DOCK4: variants seen among roughly 807,000 people sequenced by gnomAD.
DOCK4 encodes dedicator of cytokinesis protein 4.
DOCK4 carries 97 observed loss-of-function variants against 268.1 expected under a neutral mutation model. The observed-to-expected ratio is 0.36, with a 90% CI of 0.31 to 0.43. DOCK4 has a LOEUF of 0.43. DOCK4 is among the 20% of genes least tolerant of loss of function. The pLI is 1.00. For synonymous variants in DOCK4, 954 were observed against 887.2 expected (o/e 1.08, Z -1.34); for missense variants, 2,145 against 2,455.7 (o/e 0.87, Z 2.67).
intron 4 of DOCK4, among the ~76,000 whole-genome samples, chr7:111,998,200 T>A (rs1448402470): frequency 6.6e-6 from 1 of 152,186 alleles, no homozygotes; most frequent in Non-Finnish European, 1.5e-5. Flanking sequence ...AAGCATAGGC[T>A]GATTCCCTGA....
chr7:111,732,244 G>C lies in DOCK4; in HGVS notation c.5463C>G (p.Ala1821=), dbSNP rs189141127. ...CCTTTACCTTCAATGGAGATCGCCC[G>C]GCAGGCGAGGGGGATACTGATGTCG... is the stretch of plus-strand genomic sequence containing the variant. ...RHTTSVSPSP[A]GRSPLKGSVQ... is the part of the protein sequence containing the mutation. Residue 1821 remains alanine (A), a synonymous_variant, in exon 52 of 53, where the codon GCC becomes GCG. Coordinates refer to ENST00000428084, the MANE Select transcript of DOCK4 (RefSeq NM_001363540.2). 14 of 1,613,896 alleles carry C rather than the reference G, an allele frequency of 8.7e-6. No homozygotes were observed. In the East Asian group the frequency reaches 3.1e-4, roughly 36 times the overall value.
At chr7:111,792,992 C>T (rs1799657626) in intron 30 of DOCK4, among the ~76,000 whole-genome samples, 1 of 152,204 alleles carries the variant, frequency 6.6e-6, no homozygotes, top group African/African-American at 2.4e-5. Flanking sequence ...ACAATGACTT[C>T]TGGACAATCA....
At chr7:111,740,243 GCA>G in intron 47 of DOCK4, 4 of 289,786 alleles carry the variant, frequency 1.4e-5, no homozygotes, top group Non-Finnish European at 2.8e-5. Flanking sequence ...GGGATTACAG[GCA>G]TGCGCCACCA....
intron 1 of DOCK4, among the ~76,000 whole-genome samples, chr7:112,169,737 A>T (rs777595544): frequency 3.9e-5 from 6 of 152,190 alleles, no homozygotes; most frequent in African/African-American, 7.2e-5. Flanking sequence ...TGAGAGAAGC[A>T]GAAATTTTTC....
intron 26 of DOCK4, among the ~76,000 whole-genome samples, chr7:111,822,786 A>G (rs761247714): frequency 3.9e-5 from 6 of 152,236 alleles, no homozygotes; most frequent in Non-Finnish European, 7.3e-5. Context: ...CCTTTCTTCT[A>G]TTATAGCATC....
At chr7:112,149,443 CTG>C (rs1815837341) in intron 1 of DOCK4, among the ~76,000 whole-genome samples, 1 of 151,836 alleles carries the variant, frequency 6.6e-6, no homozygotes, top group Admixed American at 6.6e-5. Flanking sequence ...GATAACCCCT[CTG>C]TGTATGAGAA....
chr7:111,768,141 T>C (rs545489721), intron 37 of DOCK4, among the ~76,000 whole-genome samples: 1 of 152,312 alleles, frequency 6.6e-6, no homozygotes, highest in South Asian at 2.1e-4. Context: ...CTTTCAACCA[T>C]TTAAAAACGT....
intron 1 of DOCK4, among the ~76,000 whole-genome samples, chr7:112,126,179 T>G (rs1813202300): frequency 6.6e-6 from 1 of 152,236 alleles, no homozygotes; most frequent in Non-Finnish European, 1.5e-5. Flanking sequence ...TAGCTATTTC[T>G]AATCAACATA....
intron 52 of DOCK4, 28 bp from the exon 53 acceptor site, chr7:111,728,748 G>A (rs772476870): frequency 3.2e-6 from 5 of 1,576,192 alleles, no homozygotes; most frequent in Non-Finnish European, 4.3e-6. Context: ...AAACGAGAGG[G>A]AGACACAGCA....
chr7:112,098,564 A>T (rs1204994213), intron 1 of DOCK4, among the ~76,000 whole-genome samples: 1 of 149,744 alleles, frequency 6.7e-6, no homozygotes, highest in Admixed American at 6.7e-5. Flanking sequence ...ATATAGATAG[A>T]TAATTTTATA....
intron 1 of DOCK4, among the ~76,000 whole-genome samples, chr7:112,021,091 G>A (rs1464275214): frequency 6.6e-6 from 1 of 152,100 alleles, no homozygotes; most frequent in African/African-American, 2.4e-5. Context: ...GGTACACAGA[G>A]GACAAAAGCT....
Position 112,159,645 on chromosome 7 carries a change from A to C in DOCK4, c.37+46457T>G, listed in dbSNP as rs1033523414. Among the ~76,000 whole-genome samples, 38 of 152,006 alleles carry C rather than the reference A, an allele frequency of 2.5e-4. 3 individuals are homozygous for C. On this transcript the variant is annotated intron_variant, in intron 1 of 52. Transcript: ENST00000428084. ...AAGTCTTATCCATCTGTTGGGATCT[A>C]GCACTTATATGACCCTCCTACCCCA...
intron 8 of DOCK4, among the ~76,000 whole-genome samples, chr7:111,973,595 G>A (rs1797903037): frequency 1.3e-5 from 2 of 151,802 alleles, no homozygotes; most frequent in Admixed American, 1.3e-4. Flanking sequence ...GTCAATGGGG[G>A]AATCTGAATC....
chr7:111,989,457 T>C (rs1037707412), intron 5 of DOCK4, among the ~76,000 whole-genome samples: 1 of 152,206 alleles, frequency 6.6e-6, no homozygotes, highest in Non-Finnish European at 1.5e-5. Flanking sequence ...AATGCTACTA[T>C]CCAAGAAGAC....
At chr7:112,122,047 C>G (rs759046944) in intron 1 of DOCK4, among the ~76,000 whole-genome samples, 39 of 152,234 alleles carry the variant, frequency 2.6e-4, no homozygotes, top group Non-Finnish European at 4.7e-4. Context: ...TAAGTTTTCC[C>G]TTGGATTCTG....
intron 1 of DOCK4, among the ~76,000 whole-genome samples, chr7:112,146,102 C>T (rs1482118706): frequency 6.6e-6 from 1 of 152,176 alleles, no homozygotes; most frequent in African/African-American, 2.4e-5. Flanking sequence ...ATTCATCAAA[C>T]ACTTAGCACA....
rs1215737597 is a variant in DOCK4 at position 111,940,137 on chromosome 7, T to C, written c.950A>G (p.Lys317Arg). ...GTATACTTTCAGAATGAGGTCATCC[T>C]TTGTCTCTCCTGTTAGCAGGTCAGC... The part of the protein sequence containing the change: ...SIADLLTGET[K>R]DDLILKVYMC... Residue 317 changes from lysine to arginine, a missense_variant, in exon 11 of 53, where the codon AAG becomes AGG. By Grantham distance (26) the Lys-to-Arg change is conservative. Transcript: ENST00000428084. The C allele has an allele frequency of 6.2e-7, 1 of 1,614,028 alleles. No homozygotes were observed. Among genetic ancestry groups the C allele is most frequent in the East Asian group, 2.2e-5 (1 of 44,882 alleles).
Position 111,834,615 on chromosome 7 carries a change from A to C in DOCK4, c.2808T>G (p.Asp936Glu). The C allele has an allele frequency of 6.4e-7, 1 of 1,556,008 alleles. No individual in the cohort carries two copies. Among genetic ancestry groups the C allele is most frequent in the Middle Eastern group, 1.7e-4 (1 of 5,960 alleles). The change falls in exon 26 of 53, where the codon GAT becomes GAG. Residue 936 changes from aspartate (D) to glutamate (E), a missense_variant. Coordinates refer to ENST00000428084, the MANE Select transcript of DOCK4 (RefSeq NM_001363540.2). ...TTAGTTCTTCCTTTGTATTAAAACT[A>C]TCAAGAAGCTGTTGATAATGTCTAT... ...MTDRHYQQLL[D>E]SFNTKEELRD...
intron 24 of DOCK4, 38 bp from the exon 25 acceptor site, chr7:111,844,935 G>A (rs749719143): frequency 1.3e-6 from 2 of 1,577,052 alleles, no homozygotes; most frequent in South Asian, 2.3e-5. Flanking sequence ...GGAAACTGGG[G>A]TTTAACATGC....
Sources: gnomAD v4.1 joint callset for allele counts (sites outside exome capture counted in the v4.1 genomes callset) on GRCh38, gnomAD v4.1.1 for gene constraint, MANE v1.5 for transcripts, NCBI Gene and HGNC (gene_info 2026-07-23, HGNC 2026-07-21) for gene names.